Variants in ASAP2 observed in about 807,000 individuals in gnomAD.
The protein encoded by ASAP2 is arf-GAP with SH3 domain, ANK repeat and PH domain-containing protein 2.
In ASAP2, 45 loss-of-function variants were observed where a neutral mutation model predicts 131.4. That is an observed-to-expected ratio of 0.34 (90% CI 0.27 to 0.44). ASAP2 has a LOEUF of 0.44. Ranked by LOEUF, ASAP2 falls within the 20% of genes least tolerant of loss-of-function variation. ASAP2 has a pLI of 1.00. For synonymous variants in ASAP2, 510 were observed against 503.0 expected (o/e 1.01, Z -0.19); for missense variants, 1,011 against 1,297.0 (o/e 0.78, Z 3.39).
intron 2 of ASAP2, among the ~76,000 whole-genome samples, chr2:9,282,048 A>G (rs1468574850): frequency 6.6e-6 from 1 of 152,184 alleles, no homozygotes; most frequent in Non-Finnish European, 1.5e-5. Context: ...TTGCCACTTT[A>G]TGAAAGAAAA....
At chr2:9,219,406 G>A (rs1662268040) in intron 1 of ASAP2, among the ~76,000 whole-genome samples, 1 of 152,180 alleles carries the variant, frequency 6.6e-6, no homozygotes, top group African/African-American at 2.4e-5. Context: ...AGTTAACTGT[G>A]TATCTGGTCT....
At chr2:9,272,441 A>G (rs1297436167) in intron 1 of ASAP2, among the ~76,000 whole-genome samples, 1 of 152,136 alleles carries the variant, frequency 6.6e-6, no homozygotes, top group East Asian at 1.9e-4. Context: ...TGAGCTTCTT[A>G]CATATTTTGG....
At chr2:9,356,408 G>T in intron 14 of ASAP2, 63 bp downstream of exon 14, 4 of 1,471,708 alleles carry the variant, frequency 2.7e-6, no homozygotes, top group Admixed American at 2.4e-5. Context: ...CTGATTCACA[G>T]AATCCGTTCA....
intron 15 of ASAP2, among the ~76,000 whole-genome samples, chr2:9,361,977 G>GTGTT: frequency 1.7e-5 from 2 of 115,300 alleles, no homozygotes; most frequent in Middle Eastern, 4.2e-3. Context: ...TTCTCTGCGT[G>GTGTT]TGTGTGTGTG....
chr2:9,213,982 A>C (rs962333196), intron 1 of ASAP2, among the ~76,000 whole-genome samples: 5 of 152,108 alleles, frequency 3.3e-5, no homozygotes, highest in African/African-American at 1.2e-4. Flanking sequence ...GGCTGCATAG[A>C]CTGAGACTGA....
rs190967788 is a variant in ASAP2 at position 9,207,564 on chromosome 2, C to T, written c.126+334C>T. ...GATCCCGCTGCCCGCCGCCGCCCGC[C>T]GCCGCCCGGGGTCTTTGGTACCCGG... On this transcript the variant is annotated intron_variant, in intron 1 of 27. Coordinates refer to ENST00000281419, the MANE Select transcript of ASAP2 (RefSeq NM_003887.3). The surrounding 1 kb of genome is among the most constrained non-coding windows in gnomAD (Gnocchi z 4.1). Among the ~76,000 whole-genome samples, 256 of 152,300 alleles carry T rather than the reference C, an allele frequency of 1.7e-3. No homozygotes were observed. The highest frequency in any genetic ancestry group is 5.8e-3 in the African/African-American group (240 of 41,570).
At chr2:9,259,779 C>G (rs151277744) in intron 1 of ASAP2, among the ~76,000 whole-genome samples, 10 of 152,332 alleles carry the variant, frequency 6.6e-5, no homozygotes, top group African/African-American at 2.2e-4. Flanking sequence ...TCATCTGAGG[C>G]CGACAGGCAA....
intron 23 of ASAP2, 87 bp downstream of exon 23, chr2:9,391,283 A>C: frequency 6.6e-7 from 1 of 1,515,290 alleles, no homozygotes; most frequent in Non-Finnish European, 8.9e-7. Flanking sequence ...CACAGCTGCC[A>C]GCACAGACAC....
intron 16 of ASAP2, among the ~76,000 whole-genome samples, chr2:9,372,918 C>T (rs1674094596): frequency 6.6e-6 from 1 of 152,104 alleles, no homozygotes; most frequent in Non-Finnish European, 1.5e-5. Flanking sequence ...CAGGTGGACT[C>T]CACACAGACA....
intron 20 of ASAP2, among the ~76,000 whole-genome samples, chr2:9,382,152 T>G (rs901667918): frequency 1.3e-5 from 2 of 151,926 alleles, no homozygotes; most frequent in Non-Finnish European, 2.9e-5. Flanking sequence ...CCCAGCTAAT[T>G]TTTATATTTT....
Position 9,320,270 on chromosome 2 carries a change from A to G in ASAP2, c.421-18A>G. 3.1e-6 allele frequency: 5 copies of G among 1,603,034 alleles called. No individual in the cohort carries two copies. The highest frequency in any genetic ancestry group is 1.7e-5 in the Admixed American group (1 of 59,678). On this transcript the variant is annotated intron_variant, in intron 4 of 27. Transcript: ENST00000281419. ...GTGAATGATTAGTCTTGCCTAATTT[A>G]TTATTCTTTGTTTACAGGATCTGAA...
chr2:9,368,743 G>A (rs1364300049), intron 16 of ASAP2, among the ~76,000 whole-genome samples: 1 of 152,066 alleles, frequency 6.6e-6, no homozygotes, highest in Non-Finnish European at 1.5e-5. Flanking sequence ...GATGCTGTGC[G>A]TGTGTGCAGC....
Position 9,344,516 on chromosome 2 carries a change from CTT to C in ASAP2, c.850-15_850-14del. The C allele has an allele frequency of 1.2e-6, 2 of 1,603,854 alleles. No homozygotes were observed. The highest frequency in any genetic ancestry group is 1.7e-6 in the Non-Finnish European group (2 of 1,171,064). ...ACCTGGACAAGATTAAAAACACACT[CTT>C]CACCATTTTTTAGGACTCCCAAATT... On this transcript the variant is annotated splice_polypyrimidine_tract_variant and intron_variant, in intron 9 of 27. Coordinates refer to ENST00000281419, the MANE Select transcript of ASAP2 (RefSeq NM_003887.3).
intron 1 of ASAP2, among the ~76,000 whole-genome samples, chr2:9,259,921 T>G (rs1311960886): frequency 6.6e-6 from 1 of 152,318 alleles, no homozygotes; most frequent in South Asian, 2.1e-4. Context: ...GAGCCGAGTA[T>G]GGAACCCAGG....
chr2:9,344,998 T>TA (rs1671871409), intron 11 of ASAP2, among the ~76,000 whole-genome samples, 198 bp downstream of exon 11: 1 of 151,836 alleles, frequency 6.6e-6, no homozygotes, highest in Non-Finnish European at 1.5e-5. Context: ...ATGTTTTTTT[T>TA]TTTTTAATTT....
intron 25 of ASAP2, among the ~76,000 whole-genome samples, chr2:9,400,369 C>T (rs1676556847): frequency 1.3e-5 from 1 of 75,476 alleles, no homozygotes; most frequent in African/African-American, 7.3e-5. Flanking sequence ...TGCCTTCCTC[C>T]CCCGCCACCT....
chr2:9,236,821 T>C (rs1302278676), intron 1 of ASAP2, among the ~76,000 whole-genome samples: 2 of 152,234 alleles, frequency 1.3e-5, no homozygotes, highest in Non-Finnish European at 2.9e-5. Context: ...TCTTTCTCTT[T>C]CTCCTTTCCT....
chr2:9,383,063 A>T (rs745946863), intron 20 of ASAP2, among the ~76,000 whole-genome samples: 2 of 151,228 alleles, frequency 1.3e-5, no homozygotes, highest in Non-Finnish European at 2.9e-5. Context: ...AAATCATAAG[A>T]GTATGAGAAA....
chr2:9,217,975 T>G lies in ASAP2; in HGVS notation c.126+10745T>G, dbSNP rs1662170526. 6.6e-6 allele frequency among the ~76,000 whole-genome samples: 1 copy of G among 152,078 alleles called. No individual in the cohort carries two copies. Among genetic ancestry groups the G allele is most frequent in the Admixed American group, 6.5e-5 (1 of 15,270 alleles). The stretch of plus-strand genomic sequence containing the variant: ...TGCTTTAATTTCATTTCTCTGAGCT[T>G]TAATTCTGTATTAAGGACTGTGCTG... On this transcript the variant is annotated intron_variant, in intron 1 of 27. Transcript: ENST00000281419. The surrounding 1 kb of genome is among the most constrained non-coding windows in gnomAD (Gnocchi z 4.0).
Sources: gnomAD v4.1 joint callset for allele counts (sites outside exome capture counted in the v4.1 genomes callset) on GRCh38, gnomAD v4.1.1 for gene constraint, Gnocchi (gnomAD v3.1) non-coding constraint, MANE v1.5 for transcripts, NCBI Gene and HGNC (gene_info 2026-07-23, HGNC 2026-07-21) for gene names.